The following CCDC170 variants were observed in gnomAD, a reference collection of about 807,000 sequenced individuals.
The protein encoded by CCDC170 is coiled-coil domain-containing protein 170.
A neutral mutation model predicts 72.6 loss-of-function variants in CCDC170; 69 were observed. The observed-to-expected ratio is 0.95, with a 90% CI of 0.78 to 1.16. CCDC170 has a LOEUF of 1.16. Ranked by LOEUF, CCDC170 falls within the 50% of genes most tolerant of loss-of-function variation. CCDC170 has a pLI of 0.00. For synonymous variants in CCDC170, 300 were observed against 303.9 expected (o/e 0.99, Z 0.13); for missense variants, 852 against 832.5 (o/e 1.02, Z -0.29).
chr6:151,500,204 T>A, intron 1 of CCDC170, among the ~76,000 whole-genome samples: 1 of 146,424 alleles, frequency 6.8e-6, no homozygotes, highest in Non-Finnish European at 1.5e-5. Context: ...CTCCCTCTTC[T>A]GGTTTGCTCT....
At chr6:151,577,064 C>A (rs1173914522) in intron 6 of CCDC170, among the ~76,000 whole-genome samples, 2 of 152,126 alleles carry the variant, frequency 1.3e-5, no homozygotes, top group Non-Finnish European at 2.9e-5. Flanking sequence ...TCTACTTGTT[C>A]CTTGCATATC....
chr6:151,501,741 G>A (rs1468202816), intron 1 of CCDC170, among the ~76,000 whole-genome samples: 4 of 152,154 alleles, frequency 2.6e-5, no homozygotes, highest in African/African-American at 9.7e-5. Context: ...CAAATATAAT[G>A]TGTAGTGTAT....
chr6:151,568,282 A>G (rs1562284942), intron 5 of CCDC170, among the ~76,000 whole-genome samples: 1 of 152,136 alleles, frequency 6.6e-6, no homozygotes, highest in Admixed American at 6.5e-5. Flanking sequence ...AGTGCTGTCC[A>G]AGGAGGGTTT....
chr6:151,541,869 T>A (rs1017707261), intron 3 of CCDC170, among the ~76,000 whole-genome samples: 4 of 64,524 alleles, frequency 6.2e-5, no homozygotes, highest in African/African-American at 1.7e-4. Context: ...AATATAAATA[T>A]ATATATATAT....
chr6:151,557,060 A>G (rs1782990598), intron 5 of CCDC170, among the ~76,000 whole-genome samples: 1 of 152,200 alleles, frequency 6.6e-6, no homozygotes, highest in African/African-American at 2.4e-5. Context: ...AAATTACATG[A>G]TTTCATTTTT....
chr6:151,536,578 C>G (rs1832727), intron 2 of CCDC170, 132 bp downstream of exon 2: 489,024 of 933,830 alleles, frequency 0.52, 136,398 homozygotes, highest in Non-Finnish European at 0.58. Flanking sequence ...AGATCCAGAC[C>G]ATCCTGGCCA....
intron 1 of CCDC170, 58 bp downstream of exon 1, chr6:151,494,243 AG>A: frequency 7.0e-7 from 1 of 1,428,338 alleles, no homozygotes. Flanking sequence ...ACGACCCAGG[AG>A]GGGCCGAGGC....
At chr6:151,613,512 A>T (rs951948415) in intron 9 of CCDC170, among the ~76,000 whole-genome samples, 1 of 152,186 alleles carries the variant, frequency 6.6e-6, no homozygotes, top group Non-Finnish European at 1.5e-5. Context: ...CCCTGTACCC[A>T]TAAGTGGTTG....
At chr6:151,534,423 T>G (rs1213833352) in intron 1 of CCDC170, among the ~76,000 whole-genome samples, 1 of 152,186 alleles carries the variant, frequency 6.6e-6, no homozygotes, top group Non-Finnish European at 1.5e-5. Context: ...TCATAGCCAT[T>G]GGGAAACTTA....
intron 1 of CCDC170, among the ~76,000 whole-genome samples, chr6:151,495,523 G>T (rs1250415396): frequency 6.7e-6 from 1 of 149,980 alleles, no homozygotes; most frequent in East Asian, 2.0e-4. Context: ...TTCAGACAGG[G>T]TCTCACCTTG....
At chr6:151,594,631 A>G (rs73617505) in intron 8 of CCDC170, among the ~76,000 whole-genome samples, 21 of 151,780 alleles carry the variant, frequency 1.4e-4, no homozygotes, top group African/African-American at 4.6e-4. Flanking sequence ...TAAAATTGCA[A>G]TGGAGTGGAA....
chr6:151,506,304 G>T (rs542803558), intron 1 of CCDC170, among the ~76,000 whole-genome samples: 1 of 152,176 alleles, frequency 6.6e-6, no homozygotes, highest in Non-Finnish European at 1.5e-5. Context: ...AATGATTATA[G>T]TTTTGACCAT....
At chr6:151,610,997 C>T (rs1776860773) in intron 9 of CCDC170, among the ~76,000 whole-genome samples, 1 of 152,154 alleles carries the variant, frequency 6.6e-6, no homozygotes. Context: ...CATCGGCCTC[C>T]TCTCTGTCTA....
intron 1 of CCDC170, among the ~76,000 whole-genome samples, chr6:151,509,128 G>A (rs1782106947): frequency 6.6e-6 from 1 of 151,912 alleles, no homozygotes; most frequent in African/African-American, 2.4e-5. Context: ...AATCCCATTT[G>A]GGAAGAGTTC....
chr6:151,547,644 A>G (rs1352843327), intron 4 of CCDC170, among the ~76,000 whole-genome samples: 1 of 152,102 alleles, frequency 6.6e-6, no homozygotes, highest in Non-Finnish European at 1.5e-5. Flanking sequence ...GAGGGGTCTC[A>G]AGTCACCCTA....
chr6:151,532,609 G>GAAAAAAAAAA (rs1554220999), intron 1 of CCDC170, among the ~76,000 whole-genome samples: 1 of 80,708 alleles, frequency 1.2e-5, no homozygotes. Context: ...TGTCTCAAAA[G>GAAAAAAAAAA]AAAAAAAAAA....
intron 9 of CCDC170, among the ~76,000 whole-genome samples, chr6:151,603,078 G>A (rs536501279): frequency 6.6e-6 from 1 of 152,258 alleles, no homozygotes; most frequent in East Asian, 1.9e-4. Flanking sequence ...TGGGATTACA[G>A]GCGTGAGACA....
At chr6:151,508,354 A>G (rs946682015) in intron 1 of CCDC170, among the ~76,000 whole-genome samples, 1 of 152,068 alleles carries the variant, frequency 6.6e-6, no homozygotes, top group Admixed American at 6.5e-5. Flanking sequence ...CCTGGCCAAC[A>G]TGGTGAAACC....
chr6:151,526,483 G>A (rs1187453678), intron 1 of CCDC170, among the ~76,000 whole-genome samples: 1 of 148,168 alleles, frequency 6.7e-6, no homozygotes, highest in Non-Finnish European at 1.5e-5. Flanking sequence ...GCCTCCCATA[G>A]TACTGGGATT....
Sources: gnomAD v4.1 joint callset for allele counts (sites outside exome capture counted in the v4.1 genomes callset) on GRCh38, gnomAD v4.1.1 for gene constraint, MANE v1.5 for transcripts, NCBI Gene and HGNC (gene_info 2026-07-23, HGNC 2026-07-21) for gene names.